The following MAP2 variants were observed in gnomAD, a reference collection of about 807,000 sequenced individuals.
MAP2 encodes the protein microtubule associated protein 2, also known as microtubule-associated protein 2.
MAP2 carries 14 observed loss-of-function variants against 137.6 expected under a neutral mutation model. The ratio of observed to expected loss-of-function variants is 0.10; its 90% CI spans 0.07 to 0.16. The LOEUF (loss-of-function observed/expected upper bound fraction) is 0.16. Among genes scored for constraint, MAP2 ranks in the 10% least tolerant of loss-of-function variants. The pLI is 1.00. For synonymous variants in MAP2, 786 were observed against 782.3 expected (o/e 1.00, Z -0.08); for missense variants, 2,088 against 2,191.5 (o/e 0.95, Z 0.94).
At chr2:209,482,723 G>GA (rs956202331) in intron 1 of MAP2, among the ~76,000 whole-genome samples, 3 of 152,090 alleles carry the variant, frequency 2.0e-5, no homozygotes, top group Admixed American at 2.0e-4. Flanking sequence ...CTAACTGATA[G>GA]AAAAAAGTCT....
intron 7 of MAP2, among the ~76,000 whole-genome samples, chr2:209,681,848 G>T (rs192826924): frequency 0.018 from 2,723 of 152,020 alleles, 30 homozygotes; most frequent in Admixed American, 0.031. Flanking sequence ...TTGAATTAGT[G>T]AACCATATAT....
chr2:209,518,658 A>G (rs2150362043), intron 2 of MAP2, among the ~76,000 whole-genome samples: 1 of 152,210 alleles, frequency 6.6e-6, no homozygotes, highest in African/African-American at 2.4e-5. Flanking sequence ...AACTGTAAGC[A>G]GAAACCCAGT....
At chr2:209,709,839 A>T in intron 12 of MAP2, 75 bp from the exon 13 acceptor site, 1 of 1,046,868 alleles carries the variant, frequency 9.6e-7, no homozygotes. Context: ...GACTTCTAAC[A>T]ATCTATGGGA....
chr2:209,716,536 A>T (rs1559650515), intron 13 of MAP2, among the ~76,000 whole-genome samples: 1 of 151,956 alleles, frequency 6.6e-6, no homozygotes, highest in Non-Finnish European at 1.5e-5. Flanking sequence ...ATTTTTTGTG[A>T]TTTTTTTTAG....
chr2:209,469,219 A>C (rs915546782), intron 1 of MAP2, among the ~76,000 whole-genome samples: 17 of 152,138 alleles, frequency 1.1e-4, no homozygotes. Flanking sequence ...TGCTAGATAG[A>C]GCTTCTTAGT....
At chr2:209,470,793 A>G (rs542250282) in intron 1 of MAP2, among the ~76,000 whole-genome samples, 4 of 152,258 alleles carry the variant, frequency 2.6e-5, no homozygotes, top group African/African-American at 9.6e-5. Flanking sequence ...AAAAGTAAAT[A>G]CTGAAAGGGA....
chr2:209,505,127 AAAC>A (rs1276584229), intron 1 of MAP2, among the ~76,000 whole-genome samples: 26 of 152,322 alleles, frequency 1.7e-4, no homozygotes, highest in Admixed American at 1.2e-3. Context: ...AACAAAAAAT[AAAC>A]AACAAGAAAC....
At chr2:209,453,880 C>T (rs772798955) in intron 1 of MAP2, among the ~76,000 whole-genome samples, 4 of 152,092 alleles carry the variant, frequency 2.6e-5, no homozygotes, top group East Asian at 3.9e-4. Context: ...GGCCGGGTGT[C>T]GTGGCTCACG....
At chr2:209,574,068 C>T (rs2074893760) in intron 2 of MAP2, among the ~76,000 whole-genome samples, 1 of 151,616 alleles carries the variant, frequency 6.6e-6, no homozygotes, top group African/African-American at 2.4e-5. Flanking sequence ...TATGGGGTAC[C>T]ATGTGATGTT....
At chr2:209,431,432 T>C (rs1694253374) in intron 1 of MAP2, among the ~76,000 whole-genome samples, 1 of 152,134 alleles carries the variant, frequency 6.6e-6, no homozygotes, top group South Asian at 2.1e-4. Context: ...CAAATGAGAG[T>C]TACAAATACA....
chr2:209,621,725 G>A (rs938240420), intron 3 of MAP2, among the ~76,000 whole-genome samples: 6 of 152,116 alleles, frequency 3.9e-5, no homozygotes, highest in East Asian at 3.9e-4. Context: ...TCTTACAGCC[G>A]TTGAGGAAAC....
At chr2:209,665,424 A>G (rs765458903) in intron 5 of MAP2, among the ~76,000 whole-genome samples, 58 of 152,212 alleles carry the variant, frequency 3.8e-4, no homozygotes, top group South Asian at 6.2e-4. Context: ...TATTCTGTAA[A>G]TGGAACTCTA....
At chr2:209,442,324 A>G (rs1469895730) in intron 1 of MAP2, among the ~76,000 whole-genome samples, 1 of 151,556 alleles carries the variant, frequency 6.6e-6, no homozygotes, top group African/African-American at 2.4e-5. Flanking sequence ...GGAGCAAAAG[A>G]ACTTTAACCT....
chr2:209,676,443 C>G (rs1205950544), intron 5 of MAP2, among the ~76,000 whole-genome samples: 1 of 151,498 alleles, frequency 6.6e-6, no homozygotes, highest in Non-Finnish European at 1.5e-5. Flanking sequence ...GGGCACTAGG[C>G]TTAATACCTG....
At chr2:209,486,372 C>T (rs1338507225) in intron 1 of MAP2, among the ~76,000 whole-genome samples, 3 of 151,968 alleles carry the variant, frequency 2.0e-5, no homozygotes, top group Non-Finnish European at 4.4e-5. Flanking sequence ...TACCGGAGTG[C>T]GCCACCATGC....
rs200198018 is a variant in MAP2 at position 209,428,923 on chromosome 2, TTTTATTTATTTATTTA to T, written c.-222+4679_-222+4694del. The stretch of plus-strand genomic sequence containing the variant: ...GCCTTCTTTGAATTACTTTATTTTA[TTTTATTTATTTATTTA>T]TTTATTTATTTATTTATTTATTTAT... On this transcript the variant is annotated intron_variant, in intron 1 of 15. Coordinates refer to ENST00000682079, the MANE Select transcript of MAP2 (RefSeq NM_001375505.1). 1.0e-4 allele frequency among the ~76,000 whole-genome samples: 15 copies of T among 146,430 alleles called. No individual in the cohort carries two copies. In the East Asian group the frequency reaches 1.0e-3, roughly 10 times the overall value.
In MAP2 at chr2:209,693,996, T is replaced by A; in HGVS notation, c.1826T>A (p.Met609Lys). The change falls in exon 8 of 16, where the codon ATG becomes AAG. Residue 609 changes from methionine (M) to lysine (K), a missense_variant. Around this residue, in one of 6 missense-constraint regions of MAP2, gnomAD observed 859 missense variants for 794.5 expected, o/e 1.08. Transcript: ENST00000682079. ...RESVHESIDT[M>K]SPMHKNGDKE... is the part of the protein sequence containing the mutation. Reference sequence around the variant, plus strand: ...AGTGTCCATGAGTCTATTGATACCATGTCTCCCATGCATAAAAATGGTGAC... The same window carrying A: ...AGTGTCCATGAGTCTATTGATACCAAGTCTCCCATGCATAAAAATGGTGAC... The A allele has an allele frequency of 6.2e-7, 1 of 1,614,042 alleles. No individual in the cohort carries two copies. Among genetic ancestry groups the A allele is most frequent in the East Asian group, 2.2e-5 (1 of 44,866 alleles).
chr2:209,488,409 G>A (rs1386596138), intron 1 of MAP2, among the ~76,000 whole-genome samples: 1 of 152,028 alleles, frequency 6.6e-6, no homozygotes, highest in African/African-American at 2.4e-5. Flanking sequence ...TCATACCCCA[G>A]TGGCACCTGG....
At chr2:209,513,965 A>G (rs1455932618) in intron 2 of MAP2, among the ~76,000 whole-genome samples, 7 of 152,176 alleles carry the variant, frequency 4.6e-5, no homozygotes, top group Non-Finnish European at 1.0e-4. Flanking sequence ...GAAAAAATAC[A>G]TATTTATGAT....
Sources: gnomAD v4.1 joint callset for allele counts (sites outside exome capture counted in the v4.1 genomes callset) on GRCh38, gnomAD v4.1.1 for gene constraint, gnomAD v4.1.1 regional missense constraint, MANE v1.5 for transcripts, NCBI Gene and HGNC (gene_info 2026-07-23, HGNC 2026-07-21) for gene names.